Variants in FTCDNL1 observed in about 807,000 individuals in gnomAD.
FTCDNL1 encodes the protein formiminotransferase cyclodeaminase N-terminal like.
Under a neutral mutation model 5.9 loss-of-function variants are expected in FTCDNL1, and 11 were observed. That is an observed-to-expected ratio of 1.87 (90% confidence interval 1.18 to 3.10). The LOEUF (loss-of-function observed/expected upper bound fraction) is 3.10, where lower values mean the gene tolerates loss of function less well. Among genes scored for constraint, FTCDNL1 ranks in the 30% most tolerant of loss-of-function variants. The pLI is 0.00. For missense variants in FTCDNL1, 115 were observed against 65.5 expected, an observed-to-expected ratio of 1.76 and a Z score of -2.61; for synonymous variants, 58 against 24.8, an observed-to-expected ratio of 2.34 and a Z score of -3.99.
At chr2:199,756,326 G>A (rs985109752), downstream of FTCDNL1, among the ~76,000 whole-genome samples, 15 of 152,226 alleles carry the variant, frequency 9.9e-5, no homozygotes, top group South Asian at 1.2e-3. Flanking sequence ...CGCTAACTAA[G>A]CTAACACTTC....
intron 4 of FTCDNL1, among the ~76,000 whole-genome samples, chr2:199,816,643 T>C (rs1701365872): frequency 6.6e-6 from 1 of 152,234 alleles, no homozygotes; most frequent in Non-Finnish European, 1.5e-5. Context: ...CACTGGCTAT[T>C]CCCTCTGCCT....
chr2:199,739,927 T>C, the FTCDNL1 span, among the ~76,000 whole-genome samples: 1 of 152,096 alleles, frequency 6.6e-6, no homozygotes, highest in Admixed American at 6.6e-5. Context: ...CCTAGGATCC[T>C]GGGACACGGT....
the FTCDNL1 span, among the ~76,000 whole-genome samples, chr2:199,750,113 G>A: frequency 1.3e-5 from 2 of 151,560 alleles, no homozygotes; most frequent in African/African-American, 4.8e-5. Flanking sequence ...CAACACTTTG[G>A]GAGGCTGAGG....
intron 3 of FTCDNL1, among the ~76,000 whole-genome samples, chr2:199,801,147 T>C (rs1299728748): frequency 6.6e-6 from 1 of 152,224 alleles, no homozygotes; most frequent in Non-Finnish European, 1.5e-5. Flanking sequence ...GTCACAGCAC[T>C]GAGTGAGCCA....
At chr2:199,792,066 T>C (rs1350642290) in intron 3 of FTCDNL1, among the ~76,000 whole-genome samples, 1 of 152,136 alleles carries the variant, frequency 6.6e-6, no homozygotes, top group African/African-American at 2.4e-5. Context: ...CGTTTTGCCT[T>C]ATCCATTCAA....
the FTCDNL1 span, among the ~76,000 whole-genome samples, chr2:199,713,856 T>C: frequency 1.3e-5 from 2 of 152,294 alleles, no homozygotes; most frequent in South Asian, 2.1e-4. Context: ...AAGAACATAA[T>C]TGATCATGCA....
At chr2:199,753,664 C>T in the FTCDNL1 span, among the ~76,000 whole-genome samples, 3 of 152,338 alleles carry the variant, frequency 2.0e-5, no homozygotes, top group South Asian at 2.1e-4. Flanking sequence ...GGGACACCTG[C>T]ACTTACCCTC....
the FTCDNL1 span, among the ~76,000 whole-genome samples, chr2:199,748,580 A>C: frequency 6.6e-6 from 1 of 152,126 alleles, no homozygotes; most frequent in Non-Finnish European, 1.5e-5. Flanking sequence ...CCTCTGCCTG[A>C]GTTTGCACTA....
At chr2:199,713,818 G>A in the FTCDNL1 span, among the ~76,000 whole-genome samples, 1 of 151,970 alleles carries the variant, frequency 6.6e-6, no homozygotes, top group Non-Finnish European at 1.5e-5. Flanking sequence ...TCCATTATTG[G>A]ACTAATTTTA....
chr2:199,778,018 G>A lies in FTCDNL1; in HGVS notation c.212-17183C>T, dbSNP rs192262277. On this transcript the variant is annotated intron_variant, in intron 3 of 3. Coordinates refer to the FTCDNL1 transcript ENST00000416668. ...TAACGATAGAAGTAGAGAACCAAGA[G>A]GAAGAAACATTAACCAAAGTAGGTT... is the stretch of plus-strand genomic sequence containing the variant. 1.8e-4 allele frequency among the ~76,000 whole-genome samples: 27 copies of A among 152,212 alleles called. No homozygotes were observed. The East Asian group carries it at 5.0e-3, about 28-fold the overall frequency.
At chr2:199,726,618 C>T in the FTCDNL1 span, among the ~76,000 whole-genome samples, 13 of 151,970 alleles carry the variant, frequency 8.6e-5, no homozygotes, top group East Asian at 2.3e-3. Context: ...GTTGTTGTTG[C>T]TTTCTGTTTG....
chr2:199,759,165 ATG>A (rs962803292), downstream of FTCDNL1, among the ~76,000 whole-genome samples: 59 of 151,996 alleles, frequency 3.9e-4, no homozygotes, highest in African/African-American at 1.4e-3. Context: ...ACACATATGT[ATG>A]TGTGTGTGCA....
intron 3 of FTCDNL1, among the ~76,000 whole-genome samples, chr2:199,840,221 A>T (rs980973320): frequency 2.0e-5 from 3 of 152,244 alleles, no homozygotes; most frequent in Non-Finnish European, 4.4e-5. Context: ...AACTATTGAC[A>T]GAATTTGGAG....
At chr2:199,806,801 G>A (rs564530983), downstream of FTCDNL1, among the ~76,000 whole-genome samples, 1 of 152,192 alleles carries the variant, frequency 6.6e-6, no homozygotes, top group East Asian at 1.9e-4. Flanking sequence ...TCATAGCCTA[G>A]CTTGTTGCTT....
chr2:199,712,660 C>A, the FTCDNL1 span, among the ~76,000 whole-genome samples: 1 of 152,176 alleles, frequency 6.6e-6, no homozygotes, highest in South Asian at 2.1e-4. Flanking sequence ...GGCAAGAGGG[C>A]CCTGCTCTCT....
the FTCDNL1 span, among the ~76,000 whole-genome samples, chr2:199,732,148 C>G: frequency 6.5e-4 from 99 of 152,292 alleles, no homozygotes; most frequent in Middle Eastern, 6.8e-3. Context: ...CAAGTTCACT[C>G]TCAGCCTCCT....
chr2:199,798,748 C>G (rs1239023460), intron 3 of FTCDNL1, among the ~76,000 whole-genome samples: 2 of 152,220 alleles, frequency 1.3e-5, no homozygotes, highest in Non-Finnish European at 2.9e-5. Flanking sequence ...GAGCAGGAAT[C>G]ATGCTAACAA....
At chr2:199,684,407 T>C in the FTCDNL1 span, among the ~76,000 whole-genome samples, 1 of 152,226 alleles carries the variant, frequency 6.6e-6, no homozygotes, top group Non-Finnish European at 1.5e-5. Flanking sequence ...AATTCCACTT[T>C]CTTTTAAATA....
At chr2:199,819,516 A>T (rs1336971028) in intron 4 of FTCDNL1, 56 bp downstream of exon 4, 1 of 685,038 alleles carries the variant, frequency 1.5e-6, no homozygotes, top group Non-Finnish European at 2.6e-6. Context: ...CATAAAGGGG[A>T]CCTCAAGTTT....
Sources: gnomAD v4.1 joint callset for allele counts (sites outside exome capture counted in the v4.1 genomes callset) on GRCh38, gnomAD v4.1.1 for gene constraint, MANE v1.5 for transcripts, NCBI Gene and HGNC (gene_info 2026-07-23, HGNC 2026-07-21) for gene names.